The following CDH2 variants were observed in gnomAD, a reference collection of about 807,000 sequenced individuals.
CDH2 encodes the protein cadherin-2.
In CDH2, 17 loss-of-function variants were observed where a neutral mutation model predicts 92.0. The observed-to-expected ratio is 0.18, with a 90% CI of 0.13 to 0.28. The LOEUF (loss-of-function observed/expected upper bound fraction) is 0.28. Ranked by LOEUF, CDH2 falls within the 10% of genes least tolerant of loss-of-function variation. The probability of loss-of-function intolerance (pLI) is 1.00; values close to 1 mark genes in which losing one functional copy is unlikely to be tolerated. For synonymous variants in CDH2, 419 were observed against 415.9 expected, an observed-to-expected ratio of 1.01 and a Z score of -0.09; for missense variants, 862 against 1,133.1, an observed-to-expected ratio of 0.76 and a Z score of 3.44.
chr18:28,090,254 A>T (rs2015012053), intron 2 of CDH2, among the ~76,000 whole-genome samples: 1 of 152,242 alleles, frequency 6.6e-6, no homozygotes, highest in African/African-American at 2.4e-5. Context: ...TACGCTTTTA[A>T]ATACATGTCT....
intron 2 of CDH2, among the ~76,000 whole-genome samples, chr18:28,131,383 T>C (rs2015767162): frequency 6.6e-6 from 1 of 152,228 alleles, no homozygotes; most frequent in East Asian, 1.9e-4. Context: ...AGTAAAGAGG[T>C]AGCGAGATCT....
At chr18:28,086,226 T>A (rs548511685) in intron 2 of CDH2, among the ~76,000 whole-genome samples, 2 of 152,274 alleles carry the variant, frequency 1.3e-5, no homozygotes, top group African/African-American at 2.4e-5. Context: ...ACAGGATTAT[T>A]ATACTATTTT....
chr18:28,093,712 T>C (rs978484150), intron 2 of CDH2, among the ~76,000 whole-genome samples: 4 of 152,198 alleles, frequency 2.6e-5, no homozygotes, highest in Non-Finnish European at 4.4e-5. Context: ...TTCCTCGACA[T>C]ATTCTATTTC....
chr18:28,167,277 C>A (rs1446006787), intron 1 of CDH2, among the ~76,000 whole-genome samples: 2 of 152,028 alleles, frequency 1.3e-5, no homozygotes, highest in African/African-American at 4.8e-5. Flanking sequence ...AGTGATATTG[C>A]CAAACTACCA....
chr18:28,166,419 C>A (rs1444189154), intron 1 of CDH2, among the ~76,000 whole-genome samples: 1 of 151,692 alleles, frequency 6.6e-6, no homozygotes, highest in Non-Finnish European at 1.5e-5. Flanking sequence ...GGATCATAAA[C>A]CAAATCATGA....
intron 2 of CDH2, among the ~76,000 whole-genome samples, chr18:28,068,338 CTATAAA>C (rs1423316888): frequency 1.3e-5 from 2 of 152,182 alleles, no homozygotes; most frequent in East Asian, 1.9e-4. Flanking sequence ...CAATGGCTAT[CTATAAA>C]TATAAATACA....
intron 2 of CDH2, among the ~76,000 whole-genome samples, chr18:28,100,937 A>C (rs2015216522): frequency 6.6e-6 from 1 of 152,176 alleles, no homozygotes; most frequent in African/African-American, 2.4e-5. Flanking sequence ...TACCATAAAA[A>C]AGAGTGAGTT....
intron 4 of CDH2, among the ~76,000 whole-genome samples, chr18:28,011,170 A>G (rs1337890636): frequency 1.3e-5 from 2 of 152,116 alleles, no homozygotes; most frequent in African/African-American, 4.8e-5. Flanking sequence ...TTTACATTTT[A>G]ATAAGTGGGA....
At chr18:27,963,856 A>ACTT (rs2011472658) in intron 14 of CDH2, among the ~76,000 whole-genome samples, 1 of 152,144 alleles carries the variant, frequency 6.6e-6, no homozygotes, top group African/African-American at 2.4e-5. Context: ...AAAGGTGCTA[A>ACTT]CTTCATGTCT....
Position 28,177,075 on chromosome 18 carries a change from CGGCGGCGGA to C in CDH2, c.-62_-54del, listed in dbSNP as rs1482722992. 8.3e-5 allele frequency: 114 copies of C among 1,368,066 alleles called. No homozygotes were observed. The highest frequency in any genetic ancestry group is 5.1e-4 in the South Asian group (39 of 76,028). 84.7% of individuals were successfully genotyped at this position (1,368,066 alleles called of 1,614,324 possible). The stretch of plus-strand genomic sequence containing the variant: ...CCGGAGGAGGCGGCGGCGGCGGCGG[CGGCGGCGGA>C]GGAGGAGGAGGCAGCGGCAGCACCA... On this transcript the variant is annotated 5_prime_UTR_variant, in exon 1 of 16. Coordinates refer to ENST00000269141, the MANE Select transcript of CDH2 (RefSeq NM_001792.5).
intron 15 of CDH2, among the ~76,000 whole-genome samples, chr18:27,954,817 A>G (rs2143859756): frequency 6.6e-6 from 1 of 152,330 alleles, no homozygotes; most frequent in South Asian, 2.1e-4. Flanking sequence ...GTAGAGACAC[A>G]GCTACTAATG....
At chr18:28,092,554 AAAC>A (rs1161573796) in intron 2 of CDH2, among the ~76,000 whole-genome samples, 1 of 152,028 alleles carries the variant, frequency 6.6e-6, no homozygotes, top group Non-Finnish European at 1.5e-5. Flanking sequence ...GAGAAAAAAA[AAAC>A]AAAAGGATGA....
chr18:28,127,609 T>C (rs1467498279), intron 2 of CDH2, among the ~76,000 whole-genome samples: 2 of 152,148 alleles, frequency 1.3e-5, no homozygotes. Context: ...CAAGGCTGAT[T>C]ACAATATAGC....
At chr18:28,056,565 T>C (rs1281972041) in intron 2 of CDH2, among the ~76,000 whole-genome samples, 1 of 152,146 alleles carries the variant, frequency 6.6e-6, no homozygotes, top group East Asian at 1.9e-4. Context: ...TTATTTGTCT[T>C]TGAAGTCTTT....
intron 2 of CDH2, among the ~76,000 whole-genome samples, chr18:28,091,997 C>T (rs892669600): frequency 4.0e-5 from 6 of 151,820 alleles, no homozygotes; most frequent in Admixed American, 2.0e-4. Context: ...TGTCTCTTTA[C>T]GTGGTCTTTC....
chr18:28,156,466 C>CATGTCACCTTCCCAGGTACAGA (rs1555647364), intron 1 of CDH2, among the ~76,000 whole-genome samples: 3,621 of 59,626 alleles, frequency 0.061, 437 homozygotes, highest in Middle Eastern at 0.15. Flanking sequence ...CCAGGTACAG[C>CATGTCACCTTCCCAGGTACAGA]ATGTCACCTT....
At chr18:28,073,920 G>T (rs1301111888) in intron 2 of CDH2, among the ~76,000 whole-genome samples, 5 of 151,968 alleles carry the variant, frequency 3.3e-5, no homozygotes, top group African/African-American at 1.2e-4. Context: ...GCATACAAAG[G>T]GCTCAGCACA....
At chr18:27,934,357 T>A (rs1908972416) in intron 6 of CDH2, among the ~76,000 whole-genome samples, 1 of 152,182 alleles carries the variant, frequency 6.6e-6, no homozygotes, top group Admixed American at 6.5e-5. Context: ...CATTTTTGCT[T>A]TGAGGTACAG....
chr18:27,966,692 T>G (rs563094377), intron 14 of CDH2, among the ~76,000 whole-genome samples: 1 of 152,342 alleles, frequency 6.6e-6, no homozygotes, highest in African/African-American at 2.4e-5. Flanking sequence ...CCTCCTAACC[T>G]GCTTCATAGA....
Sources: gnomAD v4.1 joint callset for allele counts (sites outside exome capture counted in the v4.1 genomes callset) on GRCh38, gnomAD v4.1.1 for gene constraint, MANE v1.5 for transcripts, NCBI Gene and HGNC (gene_info 2026-07-23, HGNC 2026-07-21) for gene names.